The following CDKN2B-AS1 variants were observed in gnomAD, a reference collection of about 807,000 sequenced individuals.
CDKN2B-AS1 encodes CDKN2B antisense RNA 1 (non-protein coding).
chr9:22,081,458 A>G (rs1295336429), intron 4 of CDKN2B-AS1, among the ~76,000 whole-genome samples: 1 of 152,186 alleles, frequency 6.6e-6, no homozygotes, highest in Non-Finnish European at 1.5e-5. Flanking sequence ...GCTAGGTATT[A>G]CCAACCCAAA....
chr9:22,056,121 G>A (rs1444246400), intron 3 of CDKN2B-AS1: 3 of 148,258 alleles, frequency 2.0e-5, no homozygotes, highest in Non-Finnish European at 3.0e-5. Context: ...CTCACCTCCC[G>A]GGTTCAAGTG....
chr9:22,009,011 C>T (rs772097155), intron 1 of CDKN2B-AS1: 29 of 1,610,314 alleles, frequency 1.8e-5, no homozygotes, highest in Non-Finnish European at 2.4e-5. Flanking sequence ...GTAAACTTAA[C>T]GACACTCTTC....
In CDKN2B-AS1 at chr9:22,039,528, C is replaced by G. The variant is rs937083574; in HGVS notation, n.30-7223C>G. The stretch of plus-strand genomic sequence containing the variant: ...GTTGTAATATTTTGACTGTAAGCTT[C>G]TAGGAGGTAGAGGCCAGCATTATTT... On this transcript the variant is annotated intron_variant and non_coding_transcript_variant, in intron 1 of 4. Transcript: ENST00000650946. The surrounding 1 kb of genome is among the most constrained non-coding windows in gnomAD (Gnocchi z 4.4). Among the ~76,000 whole-genome samples the G allele has an allele frequency of 1.3e-5, 2 of 151,866 alleles. No homozygotes were observed. Among genetic ancestry groups the G allele is most frequent in the Non-Finnish European group, 1.5e-5 (1 of 67,934 alleles).
At chr9:22,110,482 G>A (rs1825777793) in intron 4 of CDKN2B-AS1, among the ~76,000 whole-genome samples, 1 of 152,098 alleles carries the variant, frequency 6.6e-6, no homozygotes, top group Non-Finnish European at 1.5e-5. Flanking sequence ...TTTTCTTTTT[G>A]CAAGTGTTAC....
intron 1 of CDKN2B-AS1, among the ~76,000 whole-genome samples, chr9:22,024,256 A>G (rs971459488): frequency 3.3e-5 from 5 of 152,116 alleles, no homozygotes; most frequent in African/African-American, 1.2e-4. Context: ...ACTCTGGATG[A>G]CTTGTATTGG....
chr9:22,011,378 G>T (rs184733980), intron 1 of CDKN2B-AS1, among the ~76,000 whole-genome samples: 2 of 152,164 alleles, frequency 1.3e-5, no homozygotes. Flanking sequence ...TGTGTACTCT[G>T]TACGAAGTGC....
chr9:22,126,517 C>T lies in CDKN2B-AS1; in HGVS notation n.439-586C>T, dbSNP rs186688977. Reference sequence around the variant, plus strand: ...TTGCTTATCTTTCGAAAGAGGTGAACTAAGCTTTTCCTTTTTCTCTTTGGG... The same window carrying T: ...TTGCTTATCTTTCGAAAGAGGTGAATTAAGCTTTTCCTTTTTCTCTTTGGG... On this transcript the variant is annotated intron_variant and non_coding_transcript_variant, in intron 4 of 4. Coordinates refer to ENST00000650946, the Ensembl canonical transcript of CDKN2B-AS1. 2.2e-3 allele frequency among the ~76,000 whole-genome samples: 333 copies of T among 149,460 alleles called. 1 individual carries two copies. Among genetic ancestry groups the T allele is most frequent in the African/African-American group, 7.9e-3 (316 of 40,086 alleles).
chr9:22,119,565 G>C (rs1034223557), intron 4 of CDKN2B-AS1: 10 of 152,192 alleles, frequency 6.6e-5, no homozygotes, highest in Admixed American at 2.0e-4. Flanking sequence ...ATGGAACAAT[G>C]ACCATCCTTC....
chr9:22,055,344 A>G (rs1366190160), intron 3 of CDKN2B-AS1, among the ~76,000 whole-genome samples: 1 of 152,160 alleles, frequency 6.6e-6, no homozygotes, highest in African/African-American at 2.4e-5. Flanking sequence ...CAAGGCTTGG[A>G]TTAGGACAGT....
chr9:22,074,679 C>T (rs1050174556), intron 4 of CDKN2B-AS1, among the ~76,000 whole-genome samples: 1 of 152,176 alleles, frequency 6.6e-6, no homozygotes, highest in Non-Finnish European at 1.5e-5. Flanking sequence ...GACTATTATG[C>T]TTTTCTTGCA....
At chr9:22,114,714 A>T (rs941547809) in intron 4 of CDKN2B-AS1, among the ~76,000 whole-genome samples, 28 of 152,188 alleles carry the variant, frequency 1.8e-4, no homozygotes, top group African/African-American at 6.3e-4. Context: ...TTGGTGATGA[A>T]TTTCAGAGGC....
chr9:22,010,091 A>T (rs1821422293), intron 1 of CDKN2B-AS1, among the ~76,000 whole-genome samples: 1 of 152,206 alleles, frequency 6.6e-6, no homozygotes. Flanking sequence ...TTTGTCAGGT[A>T]TCTTATTTTT....
chr9:22,045,959 A>G (rs552120706), intron 1 of CDKN2B-AS1, among the ~76,000 whole-genome samples: 57 of 152,274 alleles, frequency 3.7e-4, no homozygotes, highest in African/African-American at 1.1e-3. Context: ...CTCTTGCTAT[A>G]TTAAATATTA....
At chr9:22,085,432 C>A (rs1824835754) in intron 4 of CDKN2B-AS1, among the ~76,000 whole-genome samples, 1 of 152,144 alleles carries the variant, frequency 6.6e-6, no homozygotes, top group African/African-American at 2.4e-5. Flanking sequence ...TAAAAGTTCC[C>A]TCTCTGGCCG....
At chr9:22,016,511 C>G (rs62556546) in intron 1 of CDKN2B-AS1, among the ~76,000 whole-genome samples, 30,963 of 152,118 alleles carry the variant, frequency 0.2, 4,125 homozygotes, top group Non-Finnish European at 0.3. Flanking sequence ...GCCAAAAGAA[C>G]AAAGCTGGAG....
At chr9:22,071,610 G>A (rs1824299281) in intron 4 of CDKN2B-AS1, among the ~76,000 whole-genome samples, 1 of 152,024 alleles carries the variant, frequency 6.6e-6, no homozygotes, top group Non-Finnish European at 1.5e-5. Flanking sequence ...TTCTGGGACT[G>A]TATTCATTGG....
chr9:22,072,822 C>T (rs1824350265), intron 4 of CDKN2B-AS1, among the ~76,000 whole-genome samples: 2 of 152,296 alleles, frequency 1.3e-5, no homozygotes, highest in South Asian at 4.1e-4. Context: ...CCCTGGTTGA[C>T]TACTGTCTTA....
At chr9:22,038,267 T>A (rs1008975106) in intron 1 of CDKN2B-AS1, among the ~76,000 whole-genome samples, 1 of 151,936 alleles carries the variant, frequency 6.6e-6, no homozygotes, top group Non-Finnish European at 1.5e-5. Context: ...GTAGGAGGTA[T>A]GAGTTTGCCA....
At chr9:22,044,612 C>A (rs1213701266) in intron 1 of CDKN2B-AS1, among the ~76,000 whole-genome samples, 1 of 151,914 alleles carries the variant, frequency 6.6e-6, no homozygotes. Context: ...CTGGTTTTTA[C>A]CTGTGAAAGT....
Sources: gnomAD v4.1 joint callset for allele counts (sites outside exome capture counted in the v4.1 genomes callset) on GRCh38, gnomAD v4.1.1 for gene constraint, Gnocchi (gnomAD v3.1) non-coding constraint, MANE v1.5 for transcripts, NCBI Gene and HGNC (gene_info 2026-07-23, HGNC 2026-07-21) for gene names.